The following ASB3 variants were observed in gnomAD, a reference collection of about 807,000 sequenced individuals.
ASB3 encodes ankyrin repeat and SOCS box protein 3.
A neutral mutation model predicts 54.5 loss-of-function variants in ASB3; 41 were observed. That is an observed-to-expected ratio of 0.75 (90% CI 0.59 to 0.98). The LOEUF is 0.98. Among genes scored for constraint, ASB3 ranks in the 50% least tolerant of loss-of-function variants. The pLI, the probability that ASB3 is intolerant of heterozygous loss-of-function variation, is 0.00. For synonymous variants in ASB3, 266 were observed against 221.2 expected, an observed-to-expected ratio of 1.20 and a Z score of -1.80; for missense variants, 733 against 620.0, an observed-to-expected ratio of 1.18 and a Z score of -1.94.
At chr2:53,705,436 A>G (rs1042206615) in intron 7 of ASB3, among the ~76,000 whole-genome samples, 2 of 152,212 alleles carry the variant, frequency 1.3e-5, no homozygotes, top group Non-Finnish European at 2.9e-5. Context: ...GTCTGTGACC[A>G]AGGACTACTG....
At chr2:53,735,500 AAGT>A (rs1406961443) in intron 3 of ASB3, among the ~76,000 whole-genome samples, 1 of 151,968 alleles carries the variant, frequency 6.6e-6, no homozygotes, top group Non-Finnish European at 1.5e-5. Flanking sequence ...AAAAAAAAAA[AAGT>A]AGAATACACC....
chr2:53,752,254 G>C (rs1008559470), intron 2 of ASB3, among the ~76,000 whole-genome samples: 1 of 152,166 alleles, frequency 6.6e-6, no homozygotes, highest in Non-Finnish European at 1.5e-5. Flanking sequence ...TAGTGATGCA[G>C]GATTTTTTGC....
At chr2:53,744,994 C>A (rs1197826872) in intron 3 of ASB3, among the ~76,000 whole-genome samples, 1 of 152,208 alleles carries the variant, frequency 6.6e-6, no homozygotes, top group African/African-American at 2.4e-5. Context: ...GCCAAAAGCG[C>A]ATGCCATGCA....
chr2:53,700,380 T>G lies in ASB3; in HGVS notation c.1129A>C (p.Ile377Leu), dbSNP rs748750932. The stretch of plus-strand genomic sequence containing the variant: ...ATTGCATGATTTACAAATTCATATA[T>G]ATGGTTCCATGGTCCCAATGAGCAA... Reference protein sequence around the residue: ...KGCSLGPWNHIYEFVNHAIKA... With the variant: ...KGCSLGPWNHLYEFVNHAIKA... Residue 377 changes from isoleucine (I) to leucine (L), a missense_variant, in exon 8 of 10, where the codon ATA becomes CTA. Coordinates refer to ENST00000263634, the MANE Select transcript of ASB3 (RefSeq NM_016115.5). 2 of 1,614,132 alleles carry G rather than the reference T, an allele frequency of 1.2e-6. No homozygotes were observed. Among genetic ancestry groups the G allele is most frequent in the Non-Finnish European group, 1.7e-6 (2 of 1,180,008 alleles).
intron 6 of ASB3, among the ~76,000 whole-genome samples, chr2:53,714,819 A>G (rs550573801): frequency 2.6e-5 from 4 of 152,322 alleles, no homozygotes; most frequent in Admixed American, 2.0e-4. Context: ...AAACAAAATT[A>G]ATGTTCCTAT....
chr2:53,709,401 G>C (rs1669966150), intron 7 of ASB3, among the ~76,000 whole-genome samples: 1 of 152,180 alleles, frequency 6.6e-6, no homozygotes, highest in Admixed American at 6.5e-5. Context: ...GTCTGAAAAA[G>C]CCTAGATGCC....
intron 1 of ASB3, chr2:53,767,867 G>A (rs902695986): frequency 6.3e-7 from 1 of 1,595,816 alleles, no homozygotes; most frequent in Non-Finnish European, 8.5e-7. Context: ...CGGCCACTGG[G>A]GCAGAGGAGC....
At chr2:53,771,249 T>G (rs540210817) in intron 1 of ASB3, among the ~76,000 whole-genome samples, 52 of 152,316 alleles carry the variant, frequency 3.4e-4, no homozygotes, top group African/African-American at 1.1e-3. Context: ...GTGCGGTGGC[T>G]CACGCCTGTA....
intron 1 of ASB3, among the ~76,000 whole-genome samples, chr2:53,780,204 C>A (rs1212077588): frequency 6.6e-6 from 1 of 152,132 alleles, no homozygotes; most frequent in Non-Finnish European, 1.5e-5. Flanking sequence ...TTTAATCTGG[C>A]ATTCAACTAC....
chr2:53,717,692 C>G (rs1023887090), intron 5 of ASB3, among the ~76,000 whole-genome samples: 2 of 151,964 alleles, frequency 1.3e-5, no homozygotes, highest in African/African-American at 4.8e-5. Flanking sequence ...GTTCCTGACC[C>G]AAATGGAAAC....
chr2:53,717,706 G>T (rs1397281303), intron 5 of ASB3, among the ~76,000 whole-genome samples: 1 of 152,016 alleles, frequency 6.6e-6, no homozygotes, highest in African/African-American at 2.4e-5. Flanking sequence ...TGGAAACTCA[G>T]AAATGACAGA....
chr2:53,733,728 G>T (rs898011107), intron 3 of ASB3, among the ~76,000 whole-genome samples: 2 of 152,106 alleles, frequency 1.3e-5, no homozygotes, highest in African/African-American at 2.4e-5. Context: ...AGACCAGCTC[G>T]GTTGGGGAGA....
chr2:53,763,501 G>T (rs1673263898), intron 2 of ASB3: 1 of 169,296 alleles, frequency 5.9e-6, no homozygotes, highest in African/African-American at 2.4e-5. Flanking sequence ...GTGTGTATAG[G>T]ACGTTTTCCT....
intron 1 of ASB3, among the ~76,000 whole-genome samples, chr2:53,782,517 T>C (rs1162627628): frequency 6.6e-6 from 1 of 152,210 alleles, no homozygotes; most frequent in Non-Finnish European, 1.5e-5. Context: ...AGCCAAACTT[T>C]TTACCACAGC....
At position 53,786,940 on chromosome 2, in the gene ASB3, G is replaced by C; in HGVS notation, c.-133C>G. The C allele has an allele frequency of 2.3e-6, 1 of 429,294 alleles. No homozygotes were observed. The highest frequency in any genetic ancestry group is 4.1e-6 in the Non-Finnish European group (1 of 241,762). 26.6% of individuals were successfully genotyped at this position (429,294 alleles called of 1,614,324 possible). ...ATGCTGCAGCCGTCCGAAAACGAGAGACGCGCAGGCGACGTCCCGGCCCCC... is the reference window on the plus strand; with the variant it reads ...ATGCTGCAGCCGTCCGAAAACGAGACACGCGCAGGCGACGTCCCGGCCCCC... On this transcript the variant is annotated 5_prime_UTR_variant, in exon 1 of 10. Transcript: ENST00000263634.
rs1669418381 is a variant in ASB3, at chr2:53,700,351, T to C, written c.1158A>G (p.Lys386=). The change falls in exon 8 of 10, where the codon AAA becomes AAG. Residue 386 remains lysine, a synonymous_variant. Coordinates refer to ENST00000263634, the MANE Select transcript of ASB3 (RefSeq NM_016115.5). The part of the protein sequence containing the change: ...HIYEFVNHAI[K]AQAKYKEWLP... The stretch of plus-strand genomic sequence containing the variant: ...ACCACTCCTTATATTTTGCTTGTGC[T>C]TTAATTGCATGATTTACAAATTCAT... 1.9e-6 allele frequency: 3 copies of C among 1,614,138 alleles called. No homozygotes were observed. The highest frequency in any genetic ancestry group is 2.5e-6 in the Non-Finnish European group (3 of 1,180,016).
chr2:53,786,118 C>T lies in ASB3; in HGVS notation c.-14+703G>A, dbSNP rs115827839. On this transcript the variant is annotated intron_variant, in intron 1 of 9. Transcript: ENST00000263634. The stretch of plus-strand genomic sequence containing the variant: ...GGAATGGTAATTTCTCTAAAGCCAA[C>T]ACTCTATGTCCATTATATTGGAGAT... Among the ~76,000 whole-genome samples, 1,138 of 152,246 alleles carry T rather than the reference C, an allele frequency of 7.5e-3. 17 individuals are homozygous for T. The highest frequency in any genetic ancestry group is 0.026 in the African/African-American group (1,092 of 41,546).
At position 53,718,965 on chromosome 2, in the gene ASB3, G is replaced by T. The variant is rs1172939109; in HGVS notation, c.605-2222C>A. 2.6e-5 allele frequency among the ~76,000 whole-genome samples: 4 copies of T among 152,160 alleles called. No homozygotes were observed. The East Asian group carries it at 7.7e-4, about 29-fold the overall frequency. ...GAGACTGAGTCTCGCCGTGTCGCCA[G>T]GCTGGAGTGCAATGGTGCGATCTCG... On this transcript the variant is annotated intron_variant, in intron 5 of 9. Coordinates refer to ENST00000263634, the MANE Select transcript of ASB3 (RefSeq NM_016115.5).
At chr2:53,743,671 C>T (rs1173160330) in intron 3 of ASB3, among the ~76,000 whole-genome samples, 1 of 152,150 alleles carries the variant, frequency 6.6e-6, no homozygotes, top group South Asian at 2.1e-4. Context: ...TAAAATAACA[C>T]ATTATATAAA....
Sources: allele counts gnomAD v4.1 joint callset (sites outside exome capture counted in the v4.1 genomes callset), GRCh38; gene constraint gnomAD v4.1.1; transcripts MANE v1.5; gene names NCBI Gene and HGNC (gene_info 2026-07-23, HGNC 2026-07-21).